The following CNTNAP2 variants were observed in gnomAD, a reference collection of about 807,000 sequenced individuals.
CNTNAP2 encodes the protein contactin-associated protein-like 2.
A neutral mutation model predicts 155.2 loss-of-function variants in CNTNAP2; 98 were observed. That is an observed-to-expected ratio of 0.63 (90% CI 0.54 to 0.75). The LOEUF (loss-of-function observed/expected upper bound fraction) is 0.75. Ranked by LOEUF, CNTNAP2 falls within the 30% of genes least tolerant of loss-of-function variation. The probability of loss-of-function intolerance (pLI) is 0.00; values close to 1 mark genes in which losing one functional copy is unlikely to be tolerated. For synonymous variants in CNTNAP2, 651 were observed against 631.2 expected, an observed-to-expected ratio of 1.03 and a Z score of -0.47; for missense variants, 1,727 against 1,688.1, an observed-to-expected ratio of 1.02 and a Z score of -0.40.
chr7:146,301,113 T>G (rs931390446), intron 1 of CNTNAP2, among the ~76,000 whole-genome samples: 15 of 152,046 alleles, frequency 9.9e-5, no homozygotes, highest in Admixed American at 9.8e-4. Context: ...GACCCAACAT[T>G]CCAGGTCAAC....
chr7:147,226,462 T>C (rs1019257478), intron 8 of CNTNAP2, among the ~76,000 whole-genome samples: 3 of 151,824 alleles, frequency 2.0e-5, no homozygotes, highest in African/African-American at 7.3e-5. Context: ...GGAAATATCA[T>C]GGAAATGTGG....
At chr7:147,396,785 A>G (rs1353091304) in intron 10 of CNTNAP2, among the ~76,000 whole-genome samples, 2 of 152,024 alleles carry the variant, frequency 1.3e-5, no homozygotes, top group East Asian at 1.9e-4. Context: ...CTTTTGAGGA[A>G]GAACTGTCTT....
chr7:147,153,680 C>T (rs766947911), intron 8 of CNTNAP2, among the ~76,000 whole-genome samples: 25 of 152,110 alleles, frequency 1.6e-4, no homozygotes, highest in African/African-American at 6.0e-4. Flanking sequence ...CAGTGAACAG[C>T]GCATGTAAGG....
chr7:146,586,039 A>ACAAAC (rs1798686900), intron 1 of CNTNAP2, among the ~76,000 whole-genome samples: 2 of 152,120 alleles, frequency 1.3e-5, no homozygotes, highest in African/African-American at 4.8e-5. Context: ...AACAAACAAA[A>ACAAAC]GAAAACAAAG....
intron 1 of CNTNAP2, among the ~76,000 whole-genome samples, chr7:146,676,181 A>G (rs1043855574): frequency 3.3e-5 from 5 of 152,204 alleles, no homozygotes; most frequent in Non-Finnish European, 7.3e-5. Context: ...TTTATGATAT[A>G]CATGTTTTTC....
chr7:147,128,585 G>C, intron 6 of CNTNAP2, 108 bp from the exon 7 acceptor site: 1 of 1,210,588 alleles, frequency 8.3e-7, no homozygotes, highest in African/African-American at 1.5e-5. Flanking sequence ...TATAATATTT[G>C]TATATTTTGG....
chr7:147,294,665 T>C (rs1051558508), intron 8 of CNTNAP2, among the ~76,000 whole-genome samples: 5 of 152,192 alleles, frequency 3.3e-5, no homozygotes, highest in Admixed American at 2.0e-4. Flanking sequence ...GACAATTTTT[T>C]TTTTTGTTTT....
intron 13 of CNTNAP2, among the ~76,000 whole-genome samples, chr7:147,848,469 C>A (rs1177261275): frequency 6.6e-6 from 1 of 150,434 alleles, no homozygotes. Context: ...ACACGGTGCG[C>A]ACACACACTG....
chr7:147,186,118 G>A (rs1315192087), intron 8 of CNTNAP2, among the ~76,000 whole-genome samples: 2 of 152,118 alleles, frequency 1.3e-5, no homozygotes, highest in African/African-American at 2.4e-5. Flanking sequence ...GGGAAGAGAA[G>A]GAAAATATTA....
At position 146,668,441 on chromosome 7, in the gene CNTNAP2, T is replaced by TGTGG. The variant is rs565125050; in HGVS notation, c.98-105827_98-105826insGGTG. ...CCTGTAATTTTCCTGTGTGTGTGTGTGTGTGTGTGTGTGTGTGTGTGTGTG... is the reference window on the plus strand; with the variant it reads ...CCTGTAATTTTCCTGTGTGTGTGTGTGTGGGTGTGTGTGTGTGTGTGTGTGTGTG... On this transcript the variant is annotated intron_variant, in intron 1 of 23. Coordinates refer to ENST00000361727, the MANE Select transcript of CNTNAP2 (RefSeq NM_014141.6). 5.2e-3 allele frequency among the ~76,000 whole-genome samples: 725 copies of TGTGG among 139,418 alleles called. 7 individuals carry two copies. The highest frequency in any genetic ancestry group is 8.3e-3 in the Non-Finnish European group (508 of 61,352). 91.5% of individuals were successfully genotyped at this position (139,418 alleles called of 152,430 possible).
intron 1 of CNTNAP2, among the ~76,000 whole-genome samples, chr7:146,207,644 T>G (rs1324337807): frequency 5.3e-5 from 8 of 151,014 alleles, no homozygotes; most frequent in Non-Finnish European, 8.9e-5. Context: ...TGTGTTTTTT[T>G]TTTTTTTTTT....
chr7:146,766,175 C>T (rs1271655110), intron 1 of CNTNAP2, among the ~76,000 whole-genome samples: 6 of 151,946 alleles, frequency 3.9e-5, no homozygotes, highest in African/African-American at 1.2e-4. Context: ...GAAATAAGTG[C>T]CCAATAAATA....
chr7:147,510,850 CATATAT>C (rs61069153), intron 11 of CNTNAP2, among the ~76,000 whole-genome samples: 1,425 of 76,402 alleles, frequency 0.019, 150 homozygotes, highest in African/African-American at 0.079. Flanking sequence ...GGCCTACAAC[CATATAT>C]ATATATATAT....
intron 9 of CNTNAP2, among the ~76,000 whole-genome samples, chr7:147,312,832 G>T (rs35710856): frequency 4.0e-5 from 5 of 124,234 alleles, no homozygotes; most frequent in South Asian, 2.9e-4. Context: ...CTGAGGAATC[G>T]CCACACTGAC....
intron 1 of CNTNAP2, among the ~76,000 whole-genome samples, chr7:146,454,347 T>G (rs568397007): frequency 6.6e-6 from 1 of 152,164 alleles, no homozygotes; most frequent in South Asian, 2.1e-4. Flanking sequence ...CAAATAACTT[T>G]GAAATAAAAG....
At chr7:147,370,392 G>A (rs530521987) in intron 9 of CNTNAP2, among the ~76,000 whole-genome samples, 12 of 152,254 alleles carry the variant, frequency 7.9e-5, no homozygotes, top group South Asian at 4.1e-4. Flanking sequence ...CACATCAGTC[G>A]TTTCTTGTCT....
At chr7:147,773,983 T>G (rs1797516694) in intron 13 of CNTNAP2, among the ~76,000 whole-genome samples, 1 of 152,174 alleles carries the variant, frequency 6.6e-6, no homozygotes, top group Admixed American at 6.6e-5. Flanking sequence ...AATCACCCAC[T>G]TCCCTACCTC....
intron 1 of CNTNAP2, among the ~76,000 whole-genome samples, chr7:146,427,199 G>GTCATA (rs1220380728): frequency 1.3e-5 from 2 of 151,984 alleles, no homozygotes; most frequent in African/African-American, 4.8e-5. Flanking sequence ...CACCTCCAAG[G>GTCATA]TCATATTTAC....
intron 15 of CNTNAP2, chr7:148,056,720 A>G (rs1471875543): frequency 1.3e-5 from 2 of 152,210 alleles, no homozygotes; most frequent in Non-Finnish European, 1.5e-5. Flanking sequence ...TTTTTGTACA[A>G]TATATATCCT....
Sources: allele counts gnomAD v4.1 joint callset (sites outside exome capture counted in the v4.1 genomes callset), GRCh38; gene constraint gnomAD v4.1.1; transcripts MANE v1.5; gene names NCBI Gene and HGNC (gene_info 2026-07-23, HGNC 2026-07-21).